TBXT: variants seen among roughly 807,000 people sequenced by gnomAD.
TBXT encodes the protein T brachyury transcription factor.
Under a neutral mutation model 41.1 loss-of-function variants are expected in TBXT, and 19 were observed. The observed-to-expected ratio is 0.46, with a 90% CI of 0.32 to 0.68. TBXT has a LOEUF of 0.68. Ranked by LOEUF, TBXT falls within the 30% of genes least tolerant of loss-of-function variation. The pLI, the probability that TBXT is intolerant of heterozygous loss-of-function variation, is 0.03. For synonymous variants in TBXT, 213 were observed against 238.9 expected, an observed-to-expected ratio of 0.89 and a Z score of 1.00; for missense variants, 536 against 582.0, an observed-to-expected ratio of 0.92 and a Z score of 0.81.
At position 166,158,089 on chromosome 6, in the gene TBXT, T is replaced by C; in HGVS notation, c.*226A>G. 1.5e-6 allele frequency: 1 copy of C among 670,860 alleles called. No individual in the cohort carries two copies. The highest frequency in any genetic ancestry group is 2.6e-5 in the Admixed American group (1 of 38,566). 41.6% of individuals were successfully genotyped at this position (670,860 alleles called of 1,614,324 possible). On this transcript the variant is annotated 3_prime_UTR_variant, in exon 8 of 8. Coordinates refer to ENST00000366876, the MANE Select transcript of TBXT (RefSeq NM_001366285.2). ...CATCATCTCCACAGTTGGGTTCATC[T>C]GTAAGCCACCTGGGACAGCACCGCT...
chr6:166,164,502 C>G, intron 5 of TBXT, 103 bp downstream of exon 5: 1 of 1,380,970 alleles, frequency 7.2e-7, no homozygotes. Flanking sequence ...ACATCCCAGG[C>G]ACACCCAGAA....
intron 5 of TBXT, 60 bp from the exon 6 acceptor site, chr6:166,162,683 G>A (rs964356557): frequency 1.2e-5 from 17 of 1,435,854 alleles, no homozygotes; most frequent in African/African-American, 4.2e-5. Context: ...TCTCCAGAGA[G>A]CAGAGCCCAG....
Position 166,165,811 on chromosome 6 carries a change from C to T in TBXT, c.501G>A (p.Glu167=), listed in dbSNP as rs376732326. The change falls in exon 3 of 8, where the codon GAG becomes GAA. Residue 167 remains glutamate (E), a synonymous_variant. Transcript: ENST00000366876. The stretch of plus-strand genomic sequence containing the variant: ...CAACTCTCACTATGTGGATTCGAGG[C>T]TCATACTTATGCAAGGAGTTCAGCA... The part of the protein sequence containing the change: ...QIMLNSLHKY[E]PRIHIVRVGG... The T allele has an allele frequency of 4.6e-5, 75 of 1,614,200 alleles. No homozygotes were observed. In the East Asian group the frequency reaches 1.4e-3, roughly 30 times the overall value.
At chr6:166,159,088 C>T (rs1188242195) in intron 7 of TBXT, among the ~76,000 whole-genome samples, 1 of 152,226 alleles carries the variant, frequency 6.6e-6, no homozygotes, top group Non-Finnish European at 1.5e-5. Flanking sequence ...AGGAGAATCG[C>T]TTGAACCCGG....
chr6:166,166,467 GC>G, intron 2 of TBXT, 124 bp downstream of exon 2: 2 of 1,448,620 alleles, frequency 1.4e-6, no homozygotes, highest in Non-Finnish European at 9.5e-7. Context: ...GAAGGCTGTG[GC>G]AGTTTCTCCA....
chr6:166,163,692 A>G (rs1365286632), intron 5 of TBXT, among the ~76,000 whole-genome samples: 1 of 152,106 alleles, frequency 6.6e-6, no homozygotes, highest in African/African-American at 2.4e-5. Flanking sequence ...CCTCTTCTAC[A>G]CTCTTCAAGC....
chr6:166,161,855 G>A (rs9459596), intron 6 of TBXT, among the ~76,000 whole-genome samples: 65,890 of 152,076 alleles, frequency 0.43, 15,069 homozygotes, highest in South Asian at 0.51. Context: ...CCCGAGAGGC[G>A]GAGCTTGCAG....
Position 166,158,365 on chromosome 6 carries a change from G to A in TBXT, c.1261C>T (p.Gln421Ter), listed in dbSNP as rs749923447. 1 of 1,614,244 alleles carries A rather than the reference G, an allele frequency of 6.2e-7. No homozygotes were observed. Among genetic ancestry groups the A allele is most frequent in the Non-Finnish European group, 8.5e-7 (1 of 1,180,048 alleles). Residue 421 changes from glutamine (Q) to a stop codon, truncating the protein, a stop_gained, in exon 8 of 8, where the codon CAA becomes TAA. Transcript: ENST00000366876. LOFTEE classifies it high-confidence loss of function. Reference protein sequence around the residue: ...IVDSQYDAAAQGRLIASWTPV... With the variant: ...IVDSQYDAAA ...GTCCATGAGGCTATGAGGCGGCCTTGGGCTGCGGCGTCGTACTGGCTGTCC... is the reference window on the plus strand; with the variant it reads ...GTCCATGAGGCTATGAGGCGGCCTTAGGCTGCGGCGTCGTACTGGCTGTCC...
Position 166,164,657 on chromosome 6 carries a change from G to A in TBXT, c.678C>T (p.His226=). 6.2e-7 allele frequency: 1 copy of A among 1,613,176 alleles called. No homozygotes were observed. The highest frequency in any genetic ancestry group is 8.5e-7 in the Non-Finnish European group (1 of 1,179,918). The change falls in exon 5 of 8, where the codon CAC becomes CAT. Residue 226 remains histidine (H), a synonymous_variant. Coordinates refer to ENST00000366876, the MANE Select transcript of TBXT (RefSeq NM_001366285.2). ...CTCCGGGTTCCTCCATCATCTCTTT[G>A]TGATCACTTCTATCAAAATGAAAAA... ...AFLDAKERSD[H]KEMMEEPGDS...
chr6:166,158,515 C>A lies in TBXT; in HGVS notation c.1111G>T (p.Gly371Trp), dbSNP rs749584982. 6.2e-7 allele frequency: 1 copy of A among 1,607,368 alleles called. No individual in the cohort carries two copies. The highest frequency in any genetic ancestry group is 1.7e-5 in the Admixed American group (1 of 59,858). Residue 371 changes from glycine to tryptophan, a missense_variant, in exon 8 of 8, where the codon GGG (glycine) becomes TGG (tryptophan). Physicochemically the swap from Gly to Trp is radical, Grantham distance 184. Transcript: ENST00000366876. ...PGSQAAAVSNGLGAQFFRGSP... is the reference protein window; with the variant it reads ...PGSQAAAVSNWLGAQFFRGSP... The stretch of plus-strand genomic sequence containing the variant: ...CCCCGGAAGAACTGGGCCCCCAGCC[C>A]GTTGGACACGGCTGCTGCCTGGGAG...
In TBXT at chr6:166,167,369, T is replaced by C; in HGVS notation, c.206+17A>G. On this transcript the variant is annotated intron_variant, in intron 1 of 7. Transcript: ENST00000366876. ...GCTGGAGAGCGCGGCGCGCGCGGGC[T>C]CCGGACGCGCACCCACCTGCCGTTC... 1.9e-6 allele frequency: 3 copies of C among 1,611,798 alleles called. No homozygotes were observed. Among genetic ancestry groups the C allele is most frequent in the East Asian group, 4.5e-5 (2 of 44,836 alleles).
intron 3 of TBXT, 132 bp from the exon 4 acceptor site, chr6:166,164,993 A>G: frequency 2.6e-6 from 2 of 778,518 alleles, no homozygotes; most frequent in Non-Finnish European, 4.2e-6. Flanking sequence ...TTCCACATAC[A>G]GTTTTCTATT....
rs373379157 is a variant in TBXT, at chr6:166,162,554, C to T, written c.800G>A (p.Gly267Asp). 24 of 1,613,986 alleles carry T rather than the reference C, an allele frequency of 1.5e-5. No homozygotes were observed. Among genetic ancestry groups the T allele is most frequent in the Middle Eastern group, 1.6e-4 (1 of 6,084 alleles). Residue 267 changes from glycine (G) to aspartate (D), a missense_variant, in exon 6 of 8, where the codon GGT becomes GAT. Transcript: ENST00000366876. ...GTGCGTGGAGGGGAGGGAGAGGGCACCTCCAAACTGAGGATGAGGATTTGC... is the reference window on the plus strand; with the variant it reads ...GTGCGTGGAGGGGAGGGAGAGGGCATCTCCAAACTGAGGATGAGGATTTGC... The part of the protein sequence containing the change: ...PPANPHPQFG[G>D]ALSLPSTHSC...
At chr6:166,166,998 C>G in intron 1 of TBXT, 142 bp from the exon 2 acceptor site, 1 of 1,437,932 alleles carries the variant, frequency 7.0e-7, no homozygotes, top group Non-Finnish European at 9.5e-7. Flanking sequence ...CCAAGCTCCC[C>G]CTTCCCCGAG....
At chr6:166,161,640 T>C (rs1371126093) in intron 6 of TBXT, among the ~76,000 whole-genome samples, 2 of 152,134 alleles carry the variant, frequency 1.3e-5, no homozygotes, top group African/African-American at 4.8e-5. Context: ...AAAAGCACAC[T>C]GGCCAGGCGT....
At chr6:166,159,868 A>G (rs1036874505) in intron 7 of TBXT, among the ~76,000 whole-genome samples, 1 of 152,156 alleles carries the variant, frequency 6.6e-6, no homozygotes, top group Non-Finnish European at 1.5e-5. Flanking sequence ...GGGTCATCTG[A>G]TCGGGTGCAG....
chr6:166,158,876 G>A lies in TBXT; in HGVS notation c.1038-288C>T, dbSNP rs139166302. Among the ~76,000 whole-genome samples, 95 of 152,286 alleles carry A rather than the reference G, an allele frequency of 6.2e-4. 2 individuals are homozygous for A. In the East Asian group the frequency reaches 0.011, roughly 18 times the overall value. On this transcript the variant is annotated intron_variant, in intron 7 of 7. Transcript: ENST00000366876. ...AAAGAGCGCTGTTAAGTTTCACTGC[G>A]AAAGACTCATACCAGGCCAGCCGCA...
At position 166,166,719 on chromosome 6, in the gene TBXT, G is replaced by C. The variant is rs754536703; in HGVS notation, c.344C>G (p.Pro115Arg). 6.2e-7 allele frequency: 1 copy of C among 1,613,654 alleles called. No individual in the cohort carries two copies. The highest frequency in any genetic ancestry group is 1.1e-5 in the South Asian group (1 of 91,082). Residue 115 changes from proline to arginine, a missense_variant, in exon 2 of 8, where the codon CCG becomes CGG. Coordinates refer to ENST00000366876, the MANE Select transcript of TBXT (RefSeq NM_001366285.2). The part of the protein sequence containing the change: ...VNGEWVPGGK[P>R]EPQAPSCVYI... ...GACGCAGCTGGGCGCCTGCGGCTCC[G>C]GCTTGCCCCCCGGCACCCATTCCCC...
chr6:166,168,045 A>G (rs370562206), upstream of TBXT, among the ~76,000 whole-genome samples: 86 of 152,036 alleles, frequency 5.7e-4, 1 homozygote, highest in East Asian at 0.014. Context: ...TGTTTCATGT[A>G]AATCCGGGGC....
Sources: allele counts gnomAD v4.1 joint callset (sites outside exome capture counted in the v4.1 genomes callset), GRCh38; gene constraint gnomAD v4.1.1; transcripts MANE v1.5; gene names NCBI Gene and HGNC (gene_info 2026-07-23, HGNC 2026-07-21).